RGCC: variants seen among roughly 807,000 people sequenced by gnomAD.
The protein encoded by RGCC is regulator of cell cycle RGCC.
A neutral mutation model predicts 15.4 loss-of-function variants in RGCC; 15 were observed. The ratio of observed to expected loss-of-function variants is 0.97; its 90% CI spans 0.65 to 1.50. The LOEUF is 1.50. Ranked by LOEUF, RGCC falls within the 40% of genes most tolerant of loss-of-function variation. RGCC has a pLI of 0.00. For synonymous variants in RGCC, 81 were observed against 78.0 expected, an observed-to-expected ratio of 1.04 and a Z score of -0.20; for missense variants, 176 against 189.7, an observed-to-expected ratio of 0.93 and a Z score of 0.42.
intron 4 of RGCC, among the ~76,000 whole-genome samples, chr13:41,469,530 A>G (rs1297940940): frequency 6.6e-6 from 1 of 152,168 alleles, no homozygotes; most frequent in Non-Finnish European, 1.5e-5. Flanking sequence ...CTGATTAACC[A>G]CAAGTGCATT....
rs1177570773 is a variant in RGCC at position 41,457,785 on chromosome 13, A to T, written c.49+29A>T. 2.9e-6 allele frequency: 4 copies of T among 1,370,936 alleles called. No individual in the cohort carries two copies. Among genetic ancestry groups the T allele is most frequent in the Non-Finnish European group, 3.8e-6 (4 of 1,065,500 alleles). The allele number at this position is 1,370,936 out of a possible 1,614,324, so 84.9% of individuals were successfully genotyped here. On this transcript the variant is annotated intron_variant, in intron 1 of 4. Coordinates refer to ENST00000379359, the MANE Select transcript of RGCC (RefSeq NM_014059.3). This position sits in a 1 kb window ranked among gnomAD's most constrained non-coding sequence, Gnocchi z 4.9. ...AGTGCGGGGTCCGGGGTCCCCTTAAAGTCTCGGCTCTGCAGATGGCGGGTG... is the reference window on the plus strand; with the variant it reads ...AGTGCGGGGTCCGGGGTCCCCTTAATGTCTCGGCTCTGCAGATGGCGGGTG...
chr13:41,460,634 GA>G (rs2043816666), intron 2 of RGCC, among the ~76,000 whole-genome samples: 1 of 152,202 alleles, frequency 6.6e-6, no homozygotes, highest in African/African-American at 2.4e-5. Context: ...AGGGTCAGTA[GA>G]GCTTAGATTG....
At chr13:41,459,562 G>C (rs10467472) in intron 2 of RGCC, among the ~76,000 whole-genome samples, 33,149 of 152,170 alleles carry the variant, frequency 0.22, 4,882 homozygotes, top group African/African-American at 0.41. Context: ...TCACCACCCT[G>C]GTCAGGGTTT....
chr13:41,457,613 G>T lies in RGCC; in HGVS notation c.-95G>T. ...AGCGCAGCGCCGAAGGGACTGGCAG[G>T]GCTGAAGTGTGCGGGACAGCAAGCC... On this transcript the variant is annotated 5_prime_UTR_variant, in exon 1 of 5. Transcript: ENST00000379359. The surrounding 1 kb of genome is among the most constrained non-coding windows in gnomAD (Gnocchi z 4.9). 1 of 1,478,854 alleles carries T rather than the reference G, an allele frequency of 6.8e-7. No individual in the cohort carries two copies. The highest frequency in any genetic ancestry group is 9.0e-7 in the Non-Finnish European group (1 of 1,117,224). 91.6% of individuals were successfully genotyped at this position (1,478,854 alleles called of 1,614,324 possible).
intron 2 of RGCC, among the ~76,000 whole-genome samples, chr13:41,465,891 T>C (rs1172987057): frequency 6.6e-6 from 1 of 152,086 alleles, no homozygotes; most frequent in Admixed American, 6.5e-5. Context: ...TGGATGTTTG[T>C]ATTTTAGGAG....
rs1555296691 is a variant in RGCC, at chr13:41,469,264, G to GTAATGATAATAA, written c.406+430_406+431insGATAATAATAAT. Among the ~76,000 whole-genome samples, 13 of 136,592 alleles carry GTAATGATAATAA rather than the reference G, an allele frequency of 9.5e-5. 1 individual carries two copies. Among genetic ancestry groups the GTAATGATAATAA allele is most frequent in the African/African-American group, 3.2e-4 (11 of 34,670 alleles). The allele number at this position is 136,592 out of a possible 152,430, so 89.6% of individuals were successfully genotyped here. On this transcript the variant is annotated intron_variant, in intron 4 of 4. Transcript: ENST00000379359. Reference sequence around the variant, plus strand: ...GACAGAGCAAGACTCCGTCAAAATAGTAATAATAATAATAATAATAATAAT... The same window carrying GTAATGATAATAA: ...GACAGAGCAAGACTCCGTCAAAATAGTAATGATAATAATAATAATAATAATAATAATAATAAT...
In RGCC at chr13:41,461,298, T is replaced by C. The variant is rs554107321; in HGVS notation, c.235+2828T>C. 3.3e-5 allele frequency among the ~76,000 whole-genome samples: 5 copies of C among 152,340 alleles called. No individual in the cohort carries two copies. The South Asian group carries it at 1.0e-3, about 32-fold the overall frequency. ...TTTAACTTCAGTAGTGAAAGGGCAA[T>C]GCAATTAAGAGTTAGGGTAGTGTTT... On this transcript the variant is annotated intron_variant, in intron 2 of 4. Transcript: ENST00000379359.
intron 3 of RGCC, among the ~76,000 whole-genome samples, chr13:41,468,571 C>T (rs1248907409): frequency 6.6e-6 from 1 of 152,218 alleles, no homozygotes; most frequent in Non-Finnish European, 1.5e-5. Context: ...TGTATCAAAA[C>T]ACTGGAGCAC....
At chr13:41,462,756 T>C (rs760421075) in intron 2 of RGCC, among the ~76,000 whole-genome samples, 2 of 152,246 alleles carry the variant, frequency 1.3e-5, no homozygotes, top group Admixed American at 6.5e-5. Flanking sequence ...AAGAACAGGA[T>C]GTCCGGCTTT....
In RGCC at chr13:41,458,796, C is replaced by T. The variant is rs1408671585; in HGVS notation, c.235+326C>T. Among the ~76,000 whole-genome samples, 1 of 152,126 alleles carries T rather than the reference C, an allele frequency of 6.6e-6. No individual in the cohort carries two copies. Among genetic ancestry groups the T allele is most frequent in the Non-Finnish European group, 1.5e-5 (1 of 68,022 alleles). Reference sequence around the variant, plus strand: ...CTCTTCTCCTTTCCGTGCCTCTCCCCTCTCAGCTGTAACTTTGCAGATGTG... The same window carrying T: ...CTCTTCTCCTTTCCGTGCCTCTCCCTTCTCAGCTGTAACTTTGCAGATGTG... On this transcript the variant is annotated intron_variant, in intron 2 of 4. Coordinates refer to ENST00000379359, the MANE Select transcript of RGCC (RefSeq NM_014059.3). This position sits in a 1 kb window ranked among gnomAD's most constrained non-coding sequence, Gnocchi z 4.4.
At chr13:41,468,164 C>T (rs1454696541) in intron 3 of RGCC, among the ~76,000 whole-genome samples, 6 of 152,190 alleles carry the variant, frequency 3.9e-5, no homozygotes, top group Non-Finnish European at 7.3e-5. Context: ...CTCATGGCAC[C>T]TTCCCTGTAC....
chr13:41,458,164 A>T lies in RGCC; in HGVS notation c.50-121A>T. The T allele has an allele frequency of 1.2e-6, 1 of 804,178 alleles. No individual in the cohort carries two copies. The highest frequency in any genetic ancestry group is 1.9e-6 in the Non-Finnish European group (1 of 522,560). 49.8% of individuals were successfully genotyped at this position (804,178 alleles called of 1,614,324 possible). A position where few individuals can be genotyped will look rare whatever the true frequency, so the allele number is the denominator to read the frequency against. ...AGGTAACAGCGACTGCGTGGCTGTC[A>T]CTTGGCAGAGGCGCCAAGTGTCAGT... On this transcript the variant is annotated intron_variant, in intron 1 of 4. Coordinates refer to ENST00000379359, the MANE Select transcript of RGCC (RefSeq NM_014059.3). This position sits in a 1 kb window ranked among gnomAD's most constrained non-coding sequence, Gnocchi z 4.4.
At chr13:41,463,883 C>T (rs1367648386) in intron 2 of RGCC, among the ~76,000 whole-genome samples, 1 of 152,194 alleles carries the variant, frequency 6.6e-6, no homozygotes, top group East Asian at 1.9e-4. Context: ...ATTGTTCCTT[C>T]TTCCAACATT....
intron 3 of RGCC, 91 bp downstream of exon 3, chr13:41,467,021 CT>C (rs560540858): frequency 4.1e-5 from 34 of 827,666 alleles, no homozygotes; most frequent in Admixed American, 3.7e-4. Context: ...CCTAAACAAT[CT>C]TTCTCAAATG....
chr13:41,461,242 T>C (rs2043819835), intron 2 of RGCC, among the ~76,000 whole-genome samples: 1 of 152,110 alleles, frequency 6.6e-6, no homozygotes, highest in African/African-American at 2.4e-5. Context: ...TTCCAACATG[T>C]AAAAAAATCA....
chr13:41,458,406 G>A lies in RGCC; in HGVS notation c.171G>A (p.Leu57=). Reference sequence around the variant, plus strand: ...GCCACTTCCACTACGAGGAGCACCTGGAGCGCATGAAGCGGCGCAGCAGCG... The same window carrying A: ...GCCACTTCCACTACGAGGAGCACCTAGAGCGCATGAAGCGGCGCAGCAGCG... ...HERHFHYEEH[L]ERMKRRSSAS... is the part of the protein sequence containing the mutation. The change falls in exon 2 of 5, where the codon CTG becomes CTA. Residue 57 remains leucine (L), a synonymous_variant. Coordinates refer to ENST00000379359, the MANE Select transcript of RGCC (RefSeq NM_014059.3). This position sits in a 1 kb window ranked among gnomAD's most constrained non-coding sequence, Gnocchi z 4.4. The A allele has an allele frequency of 6.2e-7, 1 of 1,601,096 alleles. No individual in the cohort carries two copies. Among genetic ancestry groups the A allele is most frequent in the South Asian group, 1.1e-5 (1 of 90,496 alleles).
In RGCC at chr13:41,458,188, G is replaced by A. The variant is rs775136113; in HGVS notation, c.50-97G>A. The stretch of plus-strand genomic sequence containing the variant: ...CACTTGGCAGAGGCGCCAAGTGTCA[G>A]TTATCTTCGGGAACCGTGGCGGCCC... On this transcript the variant is annotated intron_variant, in intron 1 of 4. Transcript: ENST00000379359. This position sits in a 1 kb window ranked among gnomAD's most constrained non-coding sequence, Gnocchi z 4.4. The A allele has an allele frequency of 1.9e-6, 2 of 1,045,240 alleles. No homozygotes were observed. Among genetic ancestry groups the A allele is most frequent in the Non-Finnish European group, 2.7e-6 (2 of 738,882 alleles). 64.7% of individuals were successfully genotyped at this position (1,045,240 alleles called of 1,614,324 possible).
At chr13:41,462,903 T>A (rs933947158) in intron 2 of RGCC, among the ~76,000 whole-genome samples, 1 of 152,182 alleles carries the variant, frequency 6.6e-6, no homozygotes, top group African/African-American at 2.4e-5. Context: ...GAGTTTGTTC[T>A]TGGGAGGTTT....
At chr13:41,461,525 CTT>C (rs1414390398) in intron 2 of RGCC, among the ~76,000 whole-genome samples, 1 of 152,132 alleles carries the variant, frequency 6.6e-6, no homozygotes, top group Non-Finnish European at 1.5e-5. Context: ...ATAATATTAA[CTT>C]AAACTTTAAA....
Sources: gnomAD v4.1 joint callset for allele counts (sites outside exome capture counted in the v4.1 genomes callset) on GRCh38, gnomAD v4.1.1 for gene constraint, Gnocchi (gnomAD v3.1) non-coding constraint, MANE v1.5 for transcripts, NCBI Gene and HGNC (gene_info 2026-07-23, HGNC 2026-07-21) for gene names.